The following ZFHX3 variants were observed in gnomAD, a reference collection of about 807,000 sequenced individuals.
The protein encoded by ZFHX3 is zinc finger homeobox protein 3.
Under a neutral mutation model 279.1 loss-of-function variants are expected in ZFHX3, and 42 were observed. The observed-to-expected ratio is 0.15, with a 90% CI of 0.12 to 0.19. The LOEUF (loss-of-function observed/expected upper bound fraction) is 0.19, where lower values mean the gene tolerates loss of function less well. Ranked by LOEUF, ZFHX3 falls within the 10% of genes least tolerant of loss-of-function variation. The pLI, the probability that ZFHX3 is intolerant of heterozygous loss-of-function variation, is 1.00. For synonymous variants in ZFHX3, 2,293 were observed against 1,957.8 expected (o/e 1.17, Z -4.52); for missense variants, 4,981 against 4,754.0 (o/e 1.05, Z -1.40).
At chr16:73,090,152 G>C (rs1177839371) in intron 8 of ZFHX3, among the ~76,000 whole-genome samples, 1 of 152,218 alleles carries the variant, frequency 6.6e-6, no homozygotes, top group Admixed American at 6.5e-5. Flanking sequence ...CCAGCACTTC[G>C]GGAGGCCAAG....
intron 3 of ZFHX3, among the ~76,000 whole-genome samples, chr16:73,451,689 C>T (rs948139204): frequency 1.3e-5 from 2 of 152,090 alleles, no homozygotes; most frequent in Non-Finnish European, 2.9e-5. Flanking sequence ...ATTTTTGCCT[C>T]TTTTAATATT....
intron 3 of ZFHX3, among the ~76,000 whole-genome samples, chr16:73,345,968 G>T (rs181562042): frequency 2.0e-5 from 3 of 152,110 alleles, no homozygotes; most frequent in Admixed American, 6.5e-5. Flanking sequence ...AAAGACGCTG[G>T]GATTCTCTAC....
chr16:73,049,964 C>T (rs1048632420), upstream of ZFHX3, among the ~76,000 whole-genome samples: 1 of 152,134 alleles, frequency 6.6e-6, no homozygotes, highest in Admixed American at 6.5e-5. Context: ...CCGCAAGCAA[C>T]GTGGCCCACA....
At chr16:73,839,346 A>AGTT (rs1961235777) in intron 1 of ZFHX3, among the ~76,000 whole-genome samples, 1 of 137,340 alleles carries the variant, frequency 7.3e-6, no homozygotes, top group Non-Finnish European at 1.6e-5. Context: ...AAAAAAAAAA[A>AGTT]AAAAAAAAAA....
intron 1 of ZFHX3, among the ~76,000 whole-genome samples, chr16:73,044,832 G>A (rs1439992466): frequency 1.3e-5 from 2 of 152,090 alleles, no homozygotes; most frequent in Non-Finnish European, 2.9e-5. Context: ...TGTTGATCAG[G>A]CTGGTCTCGA....
intron 4 of ZFHX3, among the ~76,000 whole-genome samples, chr16:73,292,711 T>C (rs928280060): frequency 4.0e-5 from 6 of 151,496 alleles, no homozygotes; most frequent in Non-Finnish European, 8.9e-5. Flanking sequence ...CCTCAGGGGG[T>C]GCATAAGAAG....
In ZFHX3 at chr16:72,787,197, C is replaced by G. The variant is rs750245137; in HGVS notation, c.11079G>C (p.Leu3693=). 1 of 1,613,426 alleles carries G rather than the reference C, an allele frequency of 6.2e-7. No homozygotes were observed. Among genetic ancestry groups the G allele is most frequent in the South Asian group, 1.1e-5 (1 of 91,006 alleles). Residue 3693 remains leucine, a synonymous_variant, in exon 10 of 10, where the codon CTG becomes CTC. Coordinates refer to ENST00000268489, the MANE Select transcript of ZFHX3 (RefSeq NM_006885.4). ...KDPSCPKDSG[L]TSVGTDTFRL ...TGAAGGTGTCCGTTCCTACACTGGT[C>G]AGACCACTGTCCTTGGGGCAGCTGG...
chr16:72,879,974 G>A (rs943375803), intron 4 of ZFHX3, among the ~76,000 whole-genome samples: 3 of 152,184 alleles, frequency 2.0e-5, no homozygotes, highest in African/African-American at 7.2e-5. Flanking sequence ...ACAGGGCTCT[G>A]ACCCCTTTTC....
rs535743376 is a variant in ZFHX3, at chr16:73,331,056, T to C, written c.-1290-12720A>G. ...CTGGGTAATTTATAAAGGAAAGAGG[T>C]TTAATTGACTCACAGTTCCACATGG... On this transcript the variant is annotated intron_variant, in intron 3 of 17. Coordinates refer to the ZFHX3 transcript ENST00000641206. Among the ~76,000 whole-genome samples, 6 of 151,952 alleles carry C rather than the reference T, an allele frequency of 3.9e-5. No homozygotes were observed. The South Asian group carries it at 1.0e-3, about 26-fold the overall frequency.
intron 7 of ZFHX3, among the ~76,000 whole-genome samples, chr16:73,096,556 T>C (rs541394825): frequency 2.7e-4 from 40 of 150,114 alleles, no homozygotes; most frequent in African/African-American, 9.6e-4. Flanking sequence ...GTGTGCACCA[T>C]GAAGCCCAGC....
intron 7 of ZFHX3, among the ~76,000 whole-genome samples, chr16:73,122,792 G>A (rs546873308): frequency 7.9e-5 from 12 of 152,140 alleles, no homozygotes; most frequent in East Asian, 1.9e-4. Flanking sequence ...TCGGCTTTCC[G>A]TGGCCCTGGG....
intron 1 of ZFHX3, among the ~76,000 whole-genome samples, chr16:73,808,867 G>C (rs1960353823): frequency 6.6e-6 from 1 of 152,138 alleles, no homozygotes; most frequent in South Asian, 2.1e-4. Context: ...CCTTAGGATA[G>C]AAACTGCTGG....
chr16:73,351,441 G>A (rs367730400), intron 3 of ZFHX3, among the ~76,000 whole-genome samples: 6 of 152,302 alleles, frequency 3.9e-5, no homozygotes, highest in South Asian at 2.1e-4. Flanking sequence ...GCATTTAAAC[G>A]CTGCTGGTCA....
chr16:73,194,998 G>C (rs1012253484), intron 5 of ZFHX3, among the ~76,000 whole-genome samples: 5 of 152,170 alleles, frequency 3.3e-5, no homozygotes, highest in Non-Finnish European at 7.3e-5. Context: ...GATTCTACCT[G>C]GATGACCTCA....
At chr16:73,830,425 C>T (rs996383201) in intron 1 of ZFHX3, among the ~76,000 whole-genome samples, 9 of 152,150 alleles carry the variant, frequency 5.9e-5, no homozygotes, top group African/African-American at 1.9e-4. Flanking sequence ...ATCTTGGCTC[C>T]TCCCCCTCCA....
intron 2 of ZFHX3, among the ~76,000 whole-genome samples, chr16:73,613,092 G>A (rs143360385): frequency 2.6e-5 from 4 of 152,160 alleles, no homozygotes; most frequent in East Asian, 1.9e-4. Flanking sequence ...GAAATAGAAA[G>A]CAAGTTTTTA....
At chr16:73,430,235 G>A (rs981294588) in intron 3 of ZFHX3, among the ~76,000 whole-genome samples, 1 of 152,112 alleles carries the variant, frequency 6.6e-6, no homozygotes, top group Non-Finnish European at 1.5e-5. Context: ...GCCTTGGCTT[G>A]AGGTTGCCAG....
At chr16:73,551,357 A>G (rs760320052) in intron 2 of ZFHX3, among the ~76,000 whole-genome samples, 4 of 152,244 alleles carry the variant, frequency 2.6e-5, no homozygotes, top group Non-Finnish European at 5.9e-5. Flanking sequence ...AAAAAAAAGT[A>G]CAAATGAGCT....
At position 73,696,076 on chromosome 16, in the gene ZFHX3, A is replaced by G. The variant is rs1189161383; in HGVS notation, c.-1607-15836T>C. ...GGGACTCTGAGAGATGAAATATTAC[A>G]TGGCCCAGAGTAATTCCAGCCAAGG... is the stretch of plus-strand genomic sequence containing the variant. On this transcript the variant is annotated intron_variant, in intron 1 of 17. Coordinates refer to the ZFHX3 transcript ENST00000641206. 1.1e-4 allele frequency among the ~76,000 whole-genome samples: 17 copies of G among 152,228 alleles called. 1 individual carries two copies. Among genetic ancestry groups the G allele is most frequent in the Admixed American group, 1.1e-3 (17 of 15,286 alleles).
Sources: gnomAD v4.1 joint callset for allele counts (sites outside exome capture counted in the v4.1 genomes callset) on GRCh38, gnomAD v4.1.1 for gene constraint, MANE v1.5 for transcripts, NCBI Gene and HGNC (gene_info 2026-07-23, HGNC 2026-07-21) for gene names.